The following PTPRO variants were observed in gnomAD, a reference collection of about 807,000 sequenced individuals.
PTPRO encodes protein tyrosine phosphatase receptor type O.
In PTPRO, 62 loss-of-function variants were observed where a neutral mutation model predicts 145.2. The observed-to-expected ratio is 0.43, with a 90% confidence interval of 0.35 to 0.53. The LOEUF is 0.53. Among genes scored for constraint, PTPRO ranks in the 20% least tolerant of loss-of-function variants. The probability of loss-of-function intolerance (pLI) is 0.01; values close to 1 mark genes in which losing one functional copy is unlikely to be tolerated. For missense variants in PTPRO, 1,345 were observed against 1,482.7 expected (o/e 0.91, Z 1.53); for synonymous variants, 565 against 514.7 (o/e 1.10, Z -1.32).
chr12:15,354,610 G>A (rs1015758865), intron 1 of PTPRO, among the ~76,000 whole-genome samples: 3 of 152,238 alleles, frequency 2.0e-5, no homozygotes, highest in Non-Finnish European at 2.9e-5. Context: ...GAATCACTAA[G>A]CATTTATTTG....
intron 1 of PTPRO, among the ~76,000 whole-genome samples, chr12:15,447,757 T>C (rs1333832102): frequency 7.9e-4 from 7 of 8,882 alleles, no homozygotes; most frequent in Non-Finnish European, 0.021. Flanking sequence ...TCTTATAGTC[T>C]TTGAACAAAA....
At chr12:15,435,437 A>G (rs1591809033) in intron 1 of PTPRO, among the ~76,000 whole-genome samples, 1 of 152,316 alleles carries the variant, frequency 6.6e-6, no homozygotes, top group South Asian at 2.1e-4. Flanking sequence ...TTCAAAAATA[A>G]CTTATTTATT....
At chr12:15,569,375 A>G (rs1943984076) in intron 18 of PTPRO, 42 bp from the exon 19 acceptor site, 6 of 1,497,996 alleles carry the variant, frequency 4.0e-6, no homozygotes, top group Admixed American at 1.7e-5. Context: ...CCTATCAACA[A>G]GAATTTTAAA....
rs201419950 is a variant in PTPRO, at chr12:15,401,453, T to C, written c.75+78652T>C. On this transcript the variant is annotated intron_variant, in intron 1 of 26. Transcript: ENST00000281171. ...GTAGTTGTGATATAGATAAAAGCCC[T>C]ACCTCTTTGTCTAAAATATACCTGT... is the stretch of plus-strand genomic sequence containing the variant. Among the ~76,000 whole-genome samples, 12 of 152,344 alleles carry C rather than the reference T, an allele frequency of 7.9e-5. No homozygotes were observed. The East Asian group carries it at 2.3e-3, about 29-fold the overall frequency.
At chr12:15,374,750 T>C (rs956636213) in intron 1 of PTPRO, among the ~76,000 whole-genome samples, 1 of 152,056 alleles carries the variant, frequency 6.6e-6, no homozygotes, top group Non-Finnish European at 1.5e-5. Flanking sequence ...CCAGTTGGGG[T>C]GAACAAGAGC....
In PTPRO at chr12:15,580,704, A is replaced by G; in HGVS notation, c.3005A>G (p.Asn1002Ser). The part of the protein sequence containing the change: ...YINANYIPGY[N>S]SPQEYIATQG... ...TTGTCACTTATCTTTCAGGGATACA[A>G]CTCACCCCAGGAGTATATTGCCACC... Residue 1002 changes from asparagine (N) to serine (S), a missense_variant, in exon 22 of 27, where the codon AAC becomes AGC. This residue lies in a region of PTPRO where 1,130 missense variants were observed against 1,214.7 expected (regional missense o/e 0.93). Coordinates refer to ENST00000281171, the MANE Select transcript of PTPRO (RefSeq NM_030667.3). 1 of 1,614,044 alleles carries G rather than the reference A, an allele frequency of 6.2e-7. No individual in the cohort carries two copies.
intron 3 of PTPRO, among the ~76,000 whole-genome samples, chr12:15,498,383 C>T (rs1200377437): frequency 2.0e-5 from 3 of 151,990 alleles, no homozygotes; most frequent in Non-Finnish European, 2.9e-5. Flanking sequence ...GGTGAAACAC[C>T]GTCTCTACTA....
At chr12:15,498,156 T>C (rs1010575285) in intron 3 of PTPRO, among the ~76,000 whole-genome samples, 5 of 152,186 alleles carry the variant, frequency 3.3e-5, no homozygotes, top group Non-Finnish European at 5.9e-5. Flanking sequence ...AGAGAAAGTA[T>C]TGAAGCACAC....
chr12:15,396,009 T>A (rs1490478763), intron 1 of PTPRO, among the ~76,000 whole-genome samples: 1 of 152,236 alleles, frequency 6.6e-6, no homozygotes, highest in Non-Finnish European at 1.5e-5. Context: ...TGAATGCATT[T>A]ACCACTGTGA....
At chr12:15,491,330 ATC>A (rs1357609192) in intron 2 of PTPRO, among the ~76,000 whole-genome samples, 6 of 152,244 alleles carry the variant, frequency 3.9e-5, no homozygotes, top group African/African-American at 1.4e-4. Context: ...AAACAGAGCA[ATC>A]TCAGAAAGAA....
At position 15,493,396 on chromosome 12, in the gene PTPRO, C is replaced by G. The variant is rs548766050; in HGVS notation, c.350-3849C>G. Among the ~76,000 whole-genome samples the G allele has an allele frequency of 2.0e-5, 3 of 152,048 alleles. No individual in the cohort carries two copies. In the South Asian group the frequency reaches 6.2e-4, roughly 32 times the overall value. ...AAAAAGGTGAATCTAGAGGAAAGTC[C>G]AGGACACAATTTTAAAAAATGACAA... On this transcript the variant is annotated intron_variant, in intron 2 of 26. Coordinates refer to ENST00000281171, the MANE Select transcript of PTPRO (RefSeq NM_030667.3).
At chr12:15,513,100 A>G (rs1235240425) in intron 7 of PTPRO, among the ~76,000 whole-genome samples, 1 of 15,256 alleles carries the variant, frequency 6.6e-5, no homozygotes, top group African/African-American at 1.5e-4. Flanking sequence ...AAGAAGAAAG[A>G]AAGAAAGAAA....
At chr12:15,483,457 C>T (rs140121275) in intron 1 of PTPRO, among the ~76,000 whole-genome samples, 12 of 152,240 alleles carry the variant, frequency 7.9e-5, no homozygotes, top group Non-Finnish European at 1.3e-4. Flanking sequence ...CAAGGATCAA[C>T]ACCAGTTTCT....
chr12:15,345,606 CG>C (rs1446281267), intron 1 of PTPRO, among the ~76,000 whole-genome samples: 1 of 151,602 alleles, frequency 6.6e-6, no homozygotes, highest in Non-Finnish European at 1.5e-5. Flanking sequence ...CGGGGCCTGT[CG>C]GGGGGTGGGG....
chr12:15,504,397 G>C (rs957843449), intron 6 of PTPRO, among the ~76,000 whole-genome samples: 2 of 152,076 alleles, frequency 1.3e-5, no homozygotes, highest in African/African-American at 4.8e-5. Flanking sequence ...ACATTTGTTT[G>C]AGCCCATAAC....
rs1228956087 is a variant in PTPRO, at chr12:15,443,035, A to G, written c.76-40939A>G. ...AGTCTAAGCAATCCTAAAAAGAAAG[A>G]ACAAAGCCAGAGGCATCACATTACA... is the stretch of plus-strand genomic sequence containing the variant. On this transcript the variant is annotated intron_variant, in intron 1 of 26. Coordinates refer to ENST00000281171, the MANE Select transcript of PTPRO (RefSeq NM_030667.3). Among the ~76,000 whole-genome samples the G allele has an allele frequency of 2.6e-5, 4 of 152,220 alleles. No individual in the cohort carries two copies. In the East Asian group the frequency reaches 7.7e-4, roughly 29 times the overall value.
chr12:15,328,756 TTATC>T (rs1310002543), intron 1 of PTPRO, among the ~76,000 whole-genome samples: 69 of 151,236 alleles, frequency 4.6e-4, no homozygotes, highest in African/African-American at 1.6e-3. Context: ...CAAATACTCT[TTATC>T]TATTTGGTTT....
At chr12:15,593,621 A>G (rs1944597572) in intron 25 of PTPRO, among the ~76,000 whole-genome samples, 2 of 152,238 alleles carry the variant, frequency 1.3e-5, no homozygotes, top group African/African-American at 4.8e-5. Flanking sequence ...TCTCATTTTA[A>G]GGACAGACTA....
chr12:15,585,071 G>T (rs558614563), intron 23 of PTPRO, among the ~76,000 whole-genome samples: 4 of 152,188 alleles, frequency 2.6e-5, no homozygotes, highest in Non-Finnish European at 5.9e-5. Flanking sequence ...GACCCCTGCC[G>T]TGTAGCTGCG....
Sources: allele counts gnomAD v4.1 joint callset (sites outside exome capture counted in the v4.1 genomes callset), GRCh38; gene constraint gnomAD v4.1.1; regional missense constraint gnomAD v4.1.1; transcripts MANE v1.5; gene names NCBI Gene and HGNC (gene_info 2026-07-23, HGNC 2026-07-21).